Variants in ARID5B observed in about 807,000 individuals in gnomAD.
The protein encoded by ARID5B is AT-rich interaction domain 5B.
Under a neutral mutation model 97.2 loss-of-function variants are expected in ARID5B, and 13 were observed. That is an observed-to-expected ratio of 0.13 (90% CI 0.09 to 0.21). The LOEUF (loss-of-function observed/expected upper bound fraction) is 0.21, where lower values mean the gene tolerates loss of function less well. ARID5B is among the 10% of genes least tolerant of loss of function. The pLI is 1.00. For synonymous variants in ARID5B, 556 were observed against 570.3 expected, an observed-to-expected ratio of 0.97 and a Z score of 0.36; for missense variants, 1,210 against 1,465.3, an observed-to-expected ratio of 0.83 and a Z score of 2.84.
intron 7 of ARID5B, among the ~76,000 whole-genome samples, chr10:62,061,601 C>G (rs2132944271): frequency 6.6e-6 from 1 of 152,284 alleles, no homozygotes; most frequent in African/African-American, 2.4e-5. Flanking sequence ...ATGCCATGCC[C>G]CAAAGTTATT....
At chr10:61,919,233 A>G (rs1843967496) in intron 2 of ARID5B, among the ~76,000 whole-genome samples, 1 of 152,056 alleles carries the variant, frequency 6.6e-6, no homozygotes. Flanking sequence ...TGATCTGCAA[A>G]ATGTGCAAAA....
intron 3 of ARID5B, among the ~76,000 whole-genome samples, chr10:61,972,977 C>G (rs1027743447): frequency 6.6e-6 from 1 of 152,196 alleles, no homozygotes; most frequent in African/African-American, 2.4e-5. Flanking sequence ...CAATCTTGGA[C>G]AGACTTGTAC....
chr10:61,937,235 T>G (rs1752118675), intron 2 of ARID5B, among the ~76,000 whole-genome samples: 1 of 152,088 alleles, frequency 6.6e-6, no homozygotes. Context: ...GTTTCAACTG[T>G]TTTTTATTTT....
chr10:61,932,413 C>CTTTTTT (rs200321468), intron 2 of ARID5B, among the ~76,000 whole-genome samples: 30 of 135,488 alleles, frequency 2.2e-4, no homozygotes, highest in Non-Finnish European at 2.9e-4. Context: ...TTTTCTTTTT[C>CTTTTTT]TTTTTTTTTT....
intron 3 of ARID5B, among the ~76,000 whole-genome samples, chr10:61,952,847 T>A (rs1372267221): frequency 6.8e-6 from 1 of 146,394 alleles, no homozygotes; most frequent in East Asian, 1.9e-4. Context: ...GTTATAGGTG[T>A]GTGTGTGTGT....
At position 62,091,030 on chromosome 10, in the gene ARID5B, G is replaced by A; in HGVS notation, c.1567G>A (p.Gly523Ser). 1 of 1,614,142 alleles carries A rather than the reference G, an allele frequency of 6.2e-7. No homozygotes were observed. The highest frequency in any genetic ancestry group is 8.5e-7 in the Non-Finnish European group (1 of 1,180,020). ...DPEKDNETDQ[G>S]SNSEKVAEEA... is the part of the protein sequence containing the mutation. ...AGAGAAGGACAACGAAACAGACCAA[G>A]GTTCCAACAGTGAGAAGGTGGCAGA... The change falls in exon 10 of 10, where the codon GGT becomes AGT. Residue 523 changes from glycine (G) to serine (S), a missense_variant. Around this residue, in one of 8 missense-constraint regions of ARID5B, gnomAD observed 800 missense variants for 839.1 expected, o/e 0.95. Transcript: ENST00000279873.
At chr10:62,006,496 G>A (rs945923440) in intron 4 of ARID5B, among the ~76,000 whole-genome samples, 1 of 152,114 alleles carries the variant, frequency 6.6e-6, no homozygotes, top group African/African-American at 2.4e-5. Flanking sequence ...AGTCACTCTT[G>A]GCACTTTCTC....
intron 8 of ARID5B, among the ~76,000 whole-genome samples, chr10:62,078,889 T>G (rs891412327): frequency 6.6e-6 from 1 of 152,224 alleles, no homozygotes; most frequent in Non-Finnish European, 1.5e-5. Context: ...AAGTTTCTCT[T>G]ACCATCCGAT....
chr10:61,952,307 C>T (rs1838333915), intron 3 of ARID5B, among the ~76,000 whole-genome samples: 1 of 152,202 alleles, frequency 6.6e-6, no homozygotes, highest in Non-Finnish European at 1.5e-5. Context: ...TTGTTTAAGC[C>T]TCTGAAGCCC....
At chr10:61,921,268 G>A (rs1478439265) in intron 2 of ARID5B, among the ~76,000 whole-genome samples, 2 of 152,180 alleles carry the variant, frequency 1.3e-5, no homozygotes, top group Non-Finnish European at 2.9e-5. Flanking sequence ...TCTGAGTAAG[G>A]CTTAGCTGGG....
At chr10:62,015,276 A>T (rs1194588849) in intron 4 of ARID5B, among the ~76,000 whole-genome samples, 1 of 152,194 alleles carries the variant, frequency 6.6e-6, no homozygotes, top group African/African-American at 2.4e-5. Context: ...TTTCACAATA[A>T]TACTTAGGTA....
intron 2 of ARID5B, among the ~76,000 whole-genome samples, chr10:61,903,665 A>G (rs1843658698): frequency 6.6e-6 from 1 of 152,162 alleles, no homozygotes; most frequent in African/African-American, 2.4e-5. Context: ...TGTTAAATGA[A>G]TGGTTTCCCG....
chr10:61,981,527 C>T lies in ARID5B; in HGVS notation c.503-18564C>T, dbSNP rs191674677. Among the ~76,000 whole-genome samples, 517 of 152,202 alleles carry T rather than the reference C, an allele frequency of 3.4e-3. 1 individual carries two copies. The highest frequency in any genetic ancestry group is 0.01 in the South Asian group (50 of 4,808). On this transcript the variant is annotated intron_variant, in intron 3 of 9. Coordinates refer to ENST00000279873, the MANE Select transcript of ARID5B (RefSeq NM_032199.3). ...AAACTCCTGACCTCAAGTGATCCAC[C>T]CGACTCAGCCTCCCAAAGTGCTGGG...
intron 4 of ARID5B, among the ~76,000 whole-genome samples, chr10:62,030,382 C>T (rs536795212): frequency 3.9e-5 from 6 of 152,140 alleles, no homozygotes; most frequent in Non-Finnish European, 8.8e-5. Flanking sequence ...CCACCTGCCT[C>T]GGCCTCCCAA....
chr10:62,033,555 C>T (rs1176167821), intron 4 of ARID5B, among the ~76,000 whole-genome samples: 1 of 152,214 alleles, frequency 6.6e-6, no homozygotes, highest in Non-Finnish European at 1.5e-5. Context: ...TCTTCCTGGG[C>T]TCTACAAGGT....
intron 3 of ARID5B, among the ~76,000 whole-genome samples, chr10:61,964,452 C>T (rs1030814298): frequency 3.9e-5 from 6 of 152,186 alleles, no homozygotes; most frequent in African/African-American, 1.4e-4. Context: ...ACTGAAATCC[C>T]ACCCTATAAT....
rs57902062 is a variant in ARID5B, at chr10:62,093,651, C to CTTTTTTTTTTTTTT, written c.*635_*648dup. The CTTTTTTTTTTTTTT allele has an allele frequency of 5.1e-5, 4 of 78,674 alleles. 1 individual carries two copies. The highest frequency in any genetic ancestry group is 4.3e-5 in the Non-Finnish European group (2 of 46,288). 4.9% of individuals were successfully genotyped at this position (78,674 alleles called of 1,614,324 possible). Reference sequence around the variant, plus strand: ...CCATTTTCTCCCAGTTCCTTCTCGTCTTTTTTTTTTTTTTTTTTTTTTTTT... The same window carrying CTTTTTTTTTTTTTT: ...CCATTTTCTCCCAGTTCCTTCTCGTCTTTTTTTTTTTTTTTTTTTTTTTTTTTTTTTTTTTTTTT... On this transcript the variant is annotated 3_prime_UTR_variant, in exon 10 of 10. Transcript: ENST00000279873.
chr10:61,901,770 C>T, intron 1 of ARID5B, 40 bp downstream of exon 1: 1 of 1,603,482 alleles, frequency 6.2e-7, no homozygotes, highest in African/African-American at 1.3e-5. Context: ...CCGGCACCCC[C>T]CGGCACCCCC....
chr10:62,056,178 T>A (rs7898906), intron 5 of ARID5B, among the ~76,000 whole-genome samples: 1 of 151,934 alleles, frequency 6.6e-6, no homozygotes, highest in African/African-American at 2.4e-5. Context: ...GGTTAGCCGC[T>A]CGATATGCCA....
Sources: gnomAD v4.1 joint callset for allele counts (sites outside exome capture counted in the v4.1 genomes callset) on GRCh38, gnomAD v4.1.1 for gene constraint, gnomAD v4.1.1 regional missense constraint, MANE v1.5 for transcripts, NCBI Gene and HGNC (gene_info 2026-07-23, HGNC 2026-07-21) for gene names.